Variants in CCDC34 observed in about 807,000 individuals in gnomAD.
The protein encoded by CCDC34 is coiled-coil domain containing 34.
CCDC34 carries 40 observed loss-of-function variants against 44.1 expected under a neutral mutation model. The ratio of observed to expected loss-of-function variants is 0.91; its 90% CI spans 0.70 to 1.18. The LOEUF is 1.18. Among genes scored for constraint, CCDC34 ranks in the 50% most tolerant of loss-of-function variants. The pLI is 0.00. For synonymous variants in CCDC34, 159 were observed against 158.2 expected (o/e 1.01, Z -0.04); for missense variants, 466 against 452.3 (o/e 1.03, Z -0.28).
At chr11:27,344,420 T>G (rs575464988) in intron 3 of CCDC34, among the ~76,000 whole-genome samples, 2 of 152,184 alleles carry the variant, frequency 1.3e-5, no homozygotes, top group Admixed American at 1.3e-4. Context: ...ATGCTATATA[T>G]TATAAACATG....
intron 3 of CCDC34, among the ~76,000 whole-genome samples, chr11:27,347,246 CTTA>C (rs1862446676): frequency 6.6e-6 from 1 of 152,124 alleles, no homozygotes; most frequent in Non-Finnish European, 1.5e-5. Flanking sequence ...CTGGAACTTT[CTTA>C]TTATAATAGT....
intron 2 of CCDC34, among the ~76,000 whole-genome samples, chr11:27,355,259 T>G (rs973285734): frequency 3.9e-5 from 6 of 152,094 alleles, no homozygotes; most frequent in Non-Finnish European, 8.8e-5. Context: ...ACCAGCCTTT[T>G]GAAAAAAGAA....
intron 4 of CCDC34, 81 bp downstream of exon 4, chr11:27,341,310 AT>A: frequency 1.2e-6 from 1 of 825,324 alleles, no homozygotes; most frequent in Non-Finnish European, 1.8e-6. Context: ...CCAATTTTCT[AT>A]TAGATACTTT....
At chr11:27,357,563 AGTACTT>A in intron 1 of CCDC34, 22 bp from the exon 2 acceptor site, 1 of 1,607,276 alleles carries the variant, frequency 6.2e-7, no homozygotes, top group South Asian at 1.1e-5. Context: ...AGGCTACTAT[AGTACTT>A]GTACAAGAAC....
At chr11:27,359,327 T>C (rs1317432324) in intron 1 of CCDC34, among the ~76,000 whole-genome samples, 1 of 152,016 alleles carries the variant, frequency 6.6e-6, no homozygotes, top group African/African-American at 2.4e-5. Context: ...CCCCTGCAGG[T>C]TGATGAATGT....
intron 3 of CCDC34, 196 bp downstream of exon 3, chr11:27,350,136 G>A (rs1245125814): frequency 6.9e-7 from 1 of 1,448,326 alleles, no homozygotes; most frequent in East Asian, 2.5e-5. Flanking sequence ...CCACAGGAGG[G>A]AAAAAGGAGA....
At chr11:27,357,211 A>C (rs999839084) in intron 2 of CCDC34, among the ~76,000 whole-genome samples, 192 bp downstream of exon 2, 1 of 152,164 alleles carries the variant, frequency 6.6e-6, no homozygotes, top group Admixed American at 6.5e-5. Context: ...GCTTAGCTGT[A>C]TTTTCCAAAT....
chr11:27,350,921 G>T (rs1457279010), intron 2 of CCDC34, among the ~76,000 whole-genome samples: 1 of 152,046 alleles, frequency 6.6e-6, no homozygotes, highest in Non-Finnish European at 1.5e-5. Flanking sequence ...TTTCCTTAGG[G>T]AAAAAAGAAC....
intron 3 of CCDC34, among the ~76,000 whole-genome samples, chr11:27,346,586 C>CAT (rs1477985802): frequency 1.3e-5 from 2 of 152,054 alleles, no homozygotes; most frequent in African/African-American, 4.8e-5. Context: ...TCTGAATATA[C>CAT]AAATTCTCAT....
chr11:27,344,544 T>C (rs1010985866), intron 3 of CCDC34, among the ~76,000 whole-genome samples: 20 of 151,426 alleles, frequency 1.3e-4, no homozygotes, highest in East Asian at 1.2e-3. Flanking sequence ...CGTGTAAATA[T>C]ATAAAATATA....
chr11:27,347,914 AT>A (rs1862455750), intron 3 of CCDC34, among the ~76,000 whole-genome samples: 1 of 152,206 alleles, frequency 6.6e-6, no homozygotes. Flanking sequence ...CTGAAAAAAA[AT>A]CAGACAGACT....
intron 2 of CCDC34, among the ~76,000 whole-genome samples, chr11:27,356,008 A>AAT (rs1862569531): frequency 2.9e-5 from 2 of 69,482 alleles, no homozygotes; most frequent in African/African-American, 1.1e-4. Flanking sequence ...TGTTCCCAGG[A>AAT]TTTTTTTTTT....
intron 1 of CCDC34, among the ~76,000 whole-genome samples, chr11:27,358,377 G>T (rs1862608886): frequency 1.3e-5 from 2 of 152,220 alleles, no homozygotes; most frequent in African/African-American, 4.8e-5. Flanking sequence ...AAGCAAGGTT[G>T]TTCAGGACAT....
chr11:27,354,131 G>A (rs1862539611), intron 2 of CCDC34, among the ~76,000 whole-genome samples: 1 of 152,210 alleles, frequency 6.6e-6, no homozygotes, highest in South Asian at 2.1e-4. Context: ...AAGCTGAGTA[G>A]TTGGCCTATA....
chr11:27,341,170 C>A (rs751202664), intron 4 of CCDC34, among the ~76,000 whole-genome samples: 16 of 152,112 alleles, frequency 1.1e-4, no homozygotes, highest in Admixed American at 4.6e-4. Flanking sequence ...CAGTTTTAAA[C>A]CTGACTGAAA....
At chr11:27,352,101 G>A (rs1862509179) in intron 2 of CCDC34, among the ~76,000 whole-genome samples, 1 of 152,164 alleles carries the variant, frequency 6.6e-6, no homozygotes, top group Non-Finnish European at 1.5e-5. Context: ...TGGGCCTCTG[G>A]GCCAGGCGCA....
chr11:27,340,548 G>A (rs1862340481), intron 5 of CCDC34, 148 bp downstream of exon 5: 1 of 770,374 alleles, frequency 1.3e-6, no homozygotes, highest in African/African-American at 1.8e-5. Context: ...CATCTCCATA[G>A]GAACATGACA....
intron 2 of CCDC34, among the ~76,000 whole-genome samples, chr11:27,356,907 T>G (rs1165105417): frequency 5.0e-4 from 2 of 4,034 alleles, no homozygotes; most frequent in Non-Finnish European, 9.2e-4. Context: ...GGGGTGGGGT[T>G]GGGGGTGGTG....
chr11:27,347,286 C>A (rs1457003082), intron 3 of CCDC34, among the ~76,000 whole-genome samples: 1 of 152,160 alleles, frequency 6.6e-6, no homozygotes, highest in Non-Finnish European at 1.5e-5. Context: ...GGTACATGTA[C>A]TTTAGACAAA....
Sources: allele counts gnomAD v4.1 joint callset (sites outside exome capture counted in the v4.1 genomes callset), GRCh38; gene constraint gnomAD v4.1.1; transcripts MANE v1.5; gene names NCBI Gene and HGNC (gene_info 2026-07-23, HGNC 2026-07-21).